The following ABCG8 variants were observed in gnomAD, a reference collection of about 807,000 sequenced individuals.
ABCG8 encodes the protein ATP-binding cassette sub-family G member 8.
ABCG8 carries 81 observed loss-of-function variants against 71.3 expected under a neutral mutation model. That is an observed-to-expected ratio of 1.14 (90% confidence interval 0.95 to 1.37). The LOEUF (loss-of-function observed/expected upper bound fraction) is 1.37. ABCG8 is among the 40% of genes most tolerant of loss of function. The probability of loss-of-function intolerance (pLI) is 0.00; values close to 1 mark genes in which losing one functional copy is unlikely to be tolerated. For synonymous variants in ABCG8, 451 were observed against 354.7 expected (o/e 1.27, Z -3.05); for missense variants, 1,119 against 866.2 (o/e 1.29, Z -3.66).
chr2:43,858,987 G>T (rs539964144), intron 6 of ABCG8, among the ~76,000 whole-genome samples: 1 of 150,278 alleles, frequency 6.7e-6, no homozygotes, highest in African/African-American at 2.4e-5. Context: ...TCTCTGTCTG[G>T]CTATAATTCT....
At chr2:43,865,666 T>A (rs1231892555) in intron 6 of ABCG8, among the ~76,000 whole-genome samples, 1 of 152,076 alleles carries the variant, frequency 6.6e-6, no homozygotes, top group Admixed American at 6.6e-5. Flanking sequence ...TCTCTCTGGA[T>A]AGAATTCTCA....
intron 6 of ABCG8, among the ~76,000 whole-genome samples, chr2:43,869,817 A>G (rs755736996): frequency 2.6e-5 from 4 of 151,634 alleles, no homozygotes; most frequent in African/African-American, 9.7e-5. Flanking sequence ...AATTCTCACC[A>G]TCTGGCTAGA....
chr2:43,872,203 C>G lies in ABCG8; in HGVS notation c.1128-20C>G. 6.2e-7 allele frequency: 1 copy of G among 1,614,022 alleles called. No individual in the cohort carries two copies. The highest frequency in any genetic ancestry group is 2.2e-5 in the East Asian group (1 of 44,882). ...GAAGGTGGCTGCCCCCATGACCTGGCCACATCTTCTGCCTCCCAGCAGCGT... is the reference window on the plus strand; with the variant it reads ...GAAGGTGGCTGCCCCCATGACCTGGGCACATCTTCTGCCTCCCAGCAGCGT... On this transcript the variant is annotated intron_variant, in intron 7 of 12. Coordinates refer to ENST00000272286, the MANE Select transcript of ABCG8 (RefSeq NM_022437.3).
chr2:43,871,999 C>T lies in ABCG8; in HGVS notation c.988C>T (p.Arg330Cys), dbSNP rs912945197. Residue 330 changes from arginine (R) to cysteine (C), a missense_variant, in exon 7 of 13, where the codon CGC becomes TGC. Arg to Cys is a radical substitution (Grantham distance 180, BLOSUM62 -3). Coordinates refer to ENST00000272286, the MANE Select transcript of ABCG8 (RefSeq NM_022437.3). The stretch of plus-strand genomic sequence containing the variant: ...AGTGGACCTGACCAGCATTGACAGG[C>T]GCAGCAGAGAGCAGGAATTGGCCAC... ...FYVDLTSIDR[R>C]SREQELATRE... 1.1e-5 allele frequency: 17 copies of T among 1,613,928 alleles called. No individual in the cohort carries two copies. Among genetic ancestry groups the T allele is most frequent in the Admixed American group, 1.7e-5 (1 of 60,010 alleles).
intron 6 of ABCG8, among the ~76,000 whole-genome samples, chr2:43,870,453 A>G (rs929205465): frequency 1.3e-5 from 2 of 152,002 alleles, no homozygotes; most frequent in Admixed American, 1.3e-4. Context: ...ATCTGGATAG[A>G]ATTCTCACTA....
chr2:43,851,203 C>CATA (rs1668902448), intron 3 of ABCG8, among the ~76,000 whole-genome samples: 1 of 152,218 alleles, frequency 6.6e-6, no homozygotes, highest in Admixed American at 6.5e-5. Flanking sequence ...GTTATGTTAA[C>CATA]ACCAGCCTGC....
intron 3 of ABCG8, 130 bp from the exon 4 acceptor site, chr2:43,851,454 T>G: frequency 9.7e-7 from 1 of 1,033,978 alleles, no homozygotes; most frequent in Non-Finnish European, 1.5e-6. Context: ...CTATGCCACC[T>G]CTCTAGGGGC....
chr2:43,856,568 C>T (rs146668138), intron 6 of ABCG8, among the ~76,000 whole-genome samples: 5 of 152,008 alleles, frequency 3.3e-5, no homozygotes, highest in East Asian at 1.9e-4. Context: ...AGAACTCTCC[C>T]CATGTAGATA....
intron 2 of ABCG8, 30 bp downstream of exon 2, chr2:43,844,638 G>A (rs1019880814): frequency 3.2e-6 from 5 of 1,553,574 alleles, no homozygotes; most frequent in African/African-American, 1.4e-5. Flanking sequence ...CAAGGGGAGA[G>A]GAGCAGGCAG....
At chr2:43,852,204 A>C (rs541214631) in intron 4 of ABCG8, 150 bp from the exon 5 acceptor site, 1 of 1,091,180 alleles carries the variant, frequency 9.2e-7, no homozygotes, top group East Asian at 2.5e-5. Context: ...AGGGGAACCA[A>C]TGTTGCAGCT....
rs371734348 is a variant in ABCG8 at position 43,875,482 on chromosome 2, A to T, written c.1756+69A>T. On this transcript the variant is annotated intron_variant, in intron 11 of 12. Transcript: ENST00000272286. ...ATGTGACTGGATGAAGCCTGCTTTC[A>T]TCTGGAGATGGACACTTATCACTTA... 152 of 1,561,024 alleles carry T rather than the reference A, an allele frequency of 9.7e-5. 4 individuals carry two copies. The African/African-American group carries it at 1.6e-3, about 16-fold the overall frequency.
intron 1 of ABCG8, among the ~76,000 whole-genome samples, chr2:43,841,187 G>A (rs977251525): frequency 4.6e-5 from 7 of 152,186 alleles, no homozygotes; most frequent in African/African-American, 1.2e-4. Context: ...CACTCCCCCC[G>A]GGGCATAGGC....
At chr2:43,849,479 T>C (rs889670094) in intron 3 of ABCG8, among the ~76,000 whole-genome samples, 3 of 152,162 alleles carry the variant, frequency 2.0e-5, no homozygotes, top group Admixed American at 2.0e-4. Flanking sequence ...GAAATCTACC[T>C]TTATGATCCA....
intron 6 of ABCG8, among the ~76,000 whole-genome samples, chr2:43,864,606 A>G (rs1220745653): frequency 6.6e-6 from 1 of 151,630 alleles, no homozygotes; most frequent in South Asian, 2.1e-4. Context: ...AACTCTCACT[A>G]TCTGTCTAGG....
At position 43,852,283 on chromosome 2, in the gene ABCG8, C is replaced by T. The variant is rs947758736; in HGVS notation, c.562-71C>T. ...AGCCGGAGGAGCGGGCGCCTTTATC[C>T]TTGGGGTCACAATGTGTCCAGCCCT... On this transcript the variant is annotated intron_variant, in intron 4 of 12. Transcript: ENST00000272286. The T allele has an allele frequency of 6.2e-6, 10 of 1,608,386 alleles. No individual in the cohort carries two copies. In the African/African-American group the frequency reaches 1.1e-4, roughly 17 times the overall value.
chr2:43,856,879 T>G (rs1398139665), intron 6 of ABCG8, among the ~76,000 whole-genome samples: 1 of 151,212 alleles, frequency 6.6e-6, no homozygotes, highest in Non-Finnish European at 1.5e-5. Flanking sequence ...ACTCTCACTA[T>G]CTGTCTGGTA....
chr2:43,862,210 CTTTGGATAGAACTCTCACTATCTG>C (rs1669347256), intron 6 of ABCG8, among the ~76,000 whole-genome samples: 8 of 151,200 alleles, frequency 5.3e-5, no homozygotes, highest in Middle Eastern at 3.5e-3. Flanking sequence ...AATTCTCACT[CTTTGGATAGAACTCTCACTATCTG>C]TCTGGATAGA....
At chr2:43,874,276 T>C in intron 9 of ABCG8, 131 bp from the exon 10 acceptor site, 3 of 916,224 alleles carry the variant, frequency 3.3e-6, no homozygotes, top group Non-Finnish European at 5.3e-6. Context: ...ACTGTGCCTA[T>C]TTAAAAAAAA....
At chr2:43,863,072 T>C (rs1034475330) in intron 6 of ABCG8, among the ~76,000 whole-genome samples, 3 of 151,410 alleles carry the variant, frequency 2.0e-5, no homozygotes, top group African/African-American at 7.3e-5. Context: ...TCTATCTTGA[T>C]AGGGTTCTCA....
Sources: gnomAD v4.1 joint callset for allele counts (sites outside exome capture counted in the v4.1 genomes callset) on GRCh38, gnomAD v4.1.1 for gene constraint, MANE v1.5 for transcripts, NCBI Gene and HGNC (gene_info 2026-07-23, HGNC 2026-07-21) for gene names.